HOMER1: variants seen among roughly 807,000 people sequenced by gnomAD.
The protein encoded by HOMER1 is homer protein homolog 1.
HOMER1 carries 3 observed loss-of-function variants against 48.9 expected under a neutral mutation model. The observed-to-expected ratio is 0.06, with a 90% CI of 0.03 to 0.16. HOMER1 has a LOEUF of 0.16. HOMER1 is among the 10% of genes least tolerant of loss of function. The pLI is 1.00. For missense variants in HOMER1, 247 were observed against 411.4 expected, an observed-to-expected ratio of 0.60 and a Z score of 3.46; for synonymous variants, 134 against 146.4, an observed-to-expected ratio of 0.92 and a Z score of 0.61.
chr5:79,400,738 T>TAA (rs1561348987), intron 6 of HOMER1, among the ~76,000 whole-genome samples: 64 of 144,934 alleles, frequency 4.4e-4, no homozygotes, highest in East Asian at 2.0e-3. Context: ...AAAAAAAACT[T>TAA]CTTCTTTTTT....
chr5:79,484,874 C>T (rs1752053806), intron 1 of HOMER1, among the ~76,000 whole-genome samples: 1 of 152,138 alleles, frequency 6.6e-6, no homozygotes, highest in Admixed American at 6.5e-5. Flanking sequence ...TGTATGGGAC[C>T]TTCTACCCCA....
rs115473018 is a variant in HOMER1 at position 79,411,538 on chromosome 5, C to T, written c.528-9483G>A. 4.1e-3 allele frequency among the ~76,000 whole-genome samples: 617 copies of T among 152,164 alleles called. 6 individuals carry two copies. Among genetic ancestry groups the T allele is most frequent in the African/African-American group, 0.014 (582 of 41,510 alleles). Reference sequence around the variant, plus strand: ...TGTTCTATGAGAAGATATTAAACTTCATTAAATTAGCTATGTAAAATCAAG... The same window carrying T: ...TGTTCTATGAGAAGATATTAAACTTTATTAAATTAGCTATGTAAAATCAAG... On this transcript the variant is annotated intron_variant, in intron 5 of 8. Transcript: ENST00000334082.
chr5:79,428,818 T>C (rs539843690), intron 5 of HOMER1, among the ~76,000 whole-genome samples: 2 of 152,298 alleles, frequency 1.3e-5, no homozygotes, highest in Non-Finnish European at 2.9e-5. Flanking sequence ...AGTTCATAGA[T>C]CACAAAAGTT....
chr5:79,502,703 T>G (rs73126215), intron 1 of HOMER1, among the ~76,000 whole-genome samples: 4,383 of 152,282 alleles, frequency 0.029, 213 homozygotes, highest in African/African-American at 0.1. Context: ...AACCTAGATT[T>G]TACACTGACT....
At chr5:79,475,163 G>A (rs1751727087) in intron 1 of HOMER1, among the ~76,000 whole-genome samples, 1 of 151,850 alleles carries the variant, frequency 6.6e-6, no homozygotes, top group Non-Finnish European at 1.5e-5. Flanking sequence ...TGAACTCTCA[G>A]CCTTTATGAA....
chr5:79,386,018 C>T (rs1175317047), intron 8 of HOMER1, among the ~76,000 whole-genome samples: 1 of 151,744 alleles, frequency 6.6e-6, no homozygotes, highest in African/African-American at 2.4e-5. Context: ...CACAATGATT[C>T]ATGTAAATTA....
chr5:79,442,592 A>T (rs1750764358), intron 4 of HOMER1, among the ~76,000 whole-genome samples: 1 of 152,204 alleles, frequency 6.6e-6, no homozygotes, highest in Admixed American at 6.5e-5. Flanking sequence ...TGCCAATAAA[A>T]CCTGAAATTA....
chr5:79,484,316 A>C (rs1752036002), intron 1 of HOMER1, among the ~76,000 whole-genome samples: 1 of 152,058 alleles, frequency 6.6e-6, no homozygotes. Context: ...GCAAAAGAGA[A>C]AAGAAGGAGA....
chr5:79,471,871 C>T (rs1048403061), intron 1 of HOMER1, among the ~76,000 whole-genome samples: 3 of 152,198 alleles, frequency 2.0e-5, no homozygotes, highest in African/African-American at 7.2e-5. Flanking sequence ...GTGCTCTTTT[C>T]CTTCAGGTCT....
At chr5:79,422,765 T>A in intron 5 of HOMER1, among the ~76,000 whole-genome samples, 1 of 151,866 alleles carries the variant, frequency 6.6e-6, no homozygotes, top group Non-Finnish European at 1.5e-5. Flanking sequence ...TAGTGTTCAC[T>A]ACCTAGCATT....
In HOMER1 at chr5:79,397,510, TAAA is replaced by T. The variant is rs1749419645; in HGVS notation, c.795+14_795+16del. The T allele has an allele frequency of 1.4e-6, 2 of 1,381,962 alleles. No homozygotes were observed. The highest frequency in any genetic ancestry group is 2.1e-6 in the Non-Finnish European group (2 of 972,916). 85.6% of individuals were successfully genotyped at this position (1,381,962 alleles called of 1,614,324 possible). ...ACATGTTAGCTAGATTACAGATGAG[TAAA>T]AAGCAGCAAATACCTCTTCCTTCAG... On this transcript the variant is annotated intron_variant, in intron 7 of 8. Transcript: ENST00000334082.
chr5:79,414,689 C>A (rs181332593), intron 5 of HOMER1, among the ~76,000 whole-genome samples: 4 of 152,106 alleles, frequency 2.6e-5, no homozygotes, highest in African/African-American at 9.6e-5. Context: ...CTGTTCTATT[C>A]TTTATACTCC....
At chr5:79,457,297 T>A (rs1471817983) in intron 1 of HOMER1, among the ~76,000 whole-genome samples, 1 of 152,230 alleles carries the variant, frequency 6.6e-6, no homozygotes, top group Non-Finnish European at 1.5e-5. Flanking sequence ...GGCACATTCT[T>A]AGTCTTTCAC....
chr5:79,452,164 G>A (rs540071359), intron 2 of HOMER1, among the ~76,000 whole-genome samples: 10 of 152,174 alleles, frequency 6.6e-5, no homozygotes, highest in African/African-American at 1.7e-4. Context: ...TTTGATCCAC[G>A]TATAAGTGAA....
At chr5:79,449,485 T>C (rs1294189945) in intron 3 of HOMER1, among the ~76,000 whole-genome samples, 1 of 152,170 alleles carries the variant, frequency 6.6e-6, no homozygotes, top group Non-Finnish European at 1.5e-5. Flanking sequence ...GTTGTTGTTG[T>C]TTTTTGAGAC....
At chr5:79,412,667 A>G (rs1749840866) in intron 5 of HOMER1, among the ~76,000 whole-genome samples, 1 of 152,244 alleles carries the variant, frequency 6.6e-6, no homozygotes, top group Non-Finnish European at 1.5e-5. Flanking sequence ...TAAAACAACA[A>G]TATCAACATT....
At chr5:79,496,666 T>C (rs191480205) in intron 1 of HOMER1, among the ~76,000 whole-genome samples, 106 of 152,234 alleles carry the variant, frequency 7.0e-4, no homozygotes, top group East Asian at 5.6e-3. Flanking sequence ...CTTTTTATTA[T>C]CATACACAGC....
Position 79,458,543 on chromosome 5 carries a change from T to C in HOMER1, c.6-1525A>G, listed in dbSNP as rs558786228. Reference sequence around the variant, plus strand: ...ACGGCAAAATGGCTCTTAAGGTTAATAAAAGGTTGGGTGACTCCTATATCC... The same window carrying C: ...ACGGCAAAATGGCTCTTAAGGTTAACAAAAGGTTGGGTGACTCCTATATCC... On this transcript the variant is annotated intron_variant, in intron 1 of 8. Transcript: ENST00000334082. Among the ~76,000 whole-genome samples the C allele has an allele frequency of 5.3e-5, 8 of 152,186 alleles. No homozygotes were observed. In the South Asian group the frequency reaches 1.7e-3, roughly 32 times the overall value.
At chr5:79,446,108 C>A (rs1580456022) in intron 4 of HOMER1, among the ~76,000 whole-genome samples, 2 of 152,296 alleles carry the variant, frequency 1.3e-5, no homozygotes, top group East Asian at 3.9e-4. Flanking sequence ...AGAGCCCAGT[C>A]CAGAGCATGC....
Sources: gnomAD v4.1 joint callset for allele counts (sites outside exome capture counted in the v4.1 genomes callset) on GRCh38, gnomAD v4.1.1 for gene constraint, MANE v1.5 for transcripts, NCBI Gene and HGNC (gene_info 2026-07-23, HGNC 2026-07-21) for gene names.